Variants in PTPN2 observed in about 807,000 individuals in gnomAD.
The protein encoded by PTPN2 is protein tyrosine phosphatase non-receptor type 2.
A neutral mutation model predicts 57.3 loss-of-function variants in PTPN2; 19 were observed. The ratio of observed to expected loss-of-function variants is 0.33; its 90% CI spans 0.23 to 0.49. The LOEUF is 0.49. Among genes scored for constraint, PTPN2 ranks in the 20% least tolerant of loss-of-function variants. The pLI, the probability that PTPN2 is intolerant of heterozygous loss-of-function variation, is 0.99. For missense variants in PTPN2, 358 were observed against 501.1 expected (o/e 0.71, Z 2.73); for synonymous variants, 153 against 164.9 (o/e 0.93, Z 0.55).
intron 1 of PTPN2, among the ~76,000 whole-genome samples, chr18:12,876,296 A>AAAGAAGAAGAAGAAGAAGAAGAAC (rs71174150): frequency 6.9e-6 from 1 of 145,074 alleles, no homozygotes; most frequent in Non-Finnish European, 1.5e-5. Flanking sequence ...ACAACAACAA[A>AAAGAAGAAGAAGAAGAAGAAGAAC]AAGAAGAAGA....
intron 7 of PTPN2, among the ~76,000 whole-genome samples, chr18:12,807,581 A>AT (rs1568092867): frequency 2.2e-4 from 16 of 74,376 alleles, no homozygotes; most frequent in African/African-American, 4.0e-4. Context: ...AAAAAAAAAA[A>AT]AAAAAATATA....
chr18:12,877,033 A>ATGAC (rs1337118984), intron 1 of PTPN2, among the ~76,000 whole-genome samples: 3 of 152,256 alleles, frequency 2.0e-5, no homozygotes, highest in Admixed American at 6.5e-5. Context: ...AGTCCCAGTT[A>ATGAC]TGACACTAGC....
At chr18:12,788,981 A>T, downstream of PTPN2, among the ~76,000 whole-genome samples, 1 of 152,214 alleles carries the variant, frequency 6.6e-6, no homozygotes, top group East Asian at 1.9e-4. Context: ...TTAAATTCTC[A>T]AATCTGGATG....
chr18:12,799,505 T>A (rs1377323149), intron 8 of PTPN2, among the ~76,000 whole-genome samples: 2 of 152,134 alleles, frequency 1.3e-5, no homozygotes, highest in Non-Finnish European at 2.9e-5. Flanking sequence ...CTATAGGTAT[T>A]AAAAATTACT....
chr18:12,858,436 T>C (rs1273052226), intron 2 of PTPN2, among the ~76,000 whole-genome samples: 1 of 152,228 alleles, frequency 6.6e-6, no homozygotes, highest in Non-Finnish European at 1.5e-5. Context: ...AGTATTATAA[T>C]TGTTCACACA....
chr18:12,873,223 GAA>G (rs1304947911), intron 1 of PTPN2, among the ~76,000 whole-genome samples: 4 of 126,678 alleles, frequency 3.2e-5, no homozygotes, highest in African/African-American at 2.9e-5. Flanking sequence ...TCCGTCTCAA[GAA>G]AAAAAAAAAA....
At chr18:12,802,891 A>C (rs2041485187) in intron 7 of PTPN2, among the ~76,000 whole-genome samples, 1 of 152,254 alleles carries the variant, frequency 6.6e-6, no homozygotes, top group African/African-American at 2.4e-5. Context: ...CAAAAGTATA[A>C]TTACTATCAT....
chr18:12,874,269 G>A (rs968641268), intron 1 of PTPN2, among the ~76,000 whole-genome samples: 3 of 143,712 alleles, frequency 2.1e-5, no homozygotes, highest in Admixed American at 6.8e-5. Context: ...TCAGCCCCCC[G>A]CCCGGCCAGC....
intron 7 of PTPN2, among the ~76,000 whole-genome samples, chr18:12,806,970 A>T (rs1288818562): frequency 6.6e-6 from 1 of 152,226 alleles, no homozygotes; most frequent in African/African-American, 2.4e-5. Flanking sequence ...TGTATAGCAA[A>T]GGAAGCAATC....
intron 6 of PTPN2, among the ~76,000 whole-genome samples, chr18:12,815,654 G>T (rs1259581858): frequency 1.3e-5 from 2 of 152,254 alleles, no homozygotes; most frequent in East Asian, 3.9e-4. Flanking sequence ...TTAAAACTTT[G>T]ATGTAACAAT....
chr18:12,806,802 A>G (rs2041668297), intron 7 of PTPN2, among the ~76,000 whole-genome samples: 1 of 152,160 alleles, frequency 6.6e-6, no homozygotes, highest in Admixed American at 6.6e-5. Flanking sequence ...CTCAAAATGG[A>G]CTAAAGACTT....
chr18:12,880,878 A>G (rs1398650343), intron 1 of PTPN2, among the ~76,000 whole-genome samples: 4 of 152,196 alleles, frequency 2.6e-5, no homozygotes, highest in African/African-American at 9.6e-5. Context: ...CCCGAACTCC[A>G]AATTTATACA....
At chr18:12,870,509 T>TG (rs1491400025) in intron 1 of PTPN2, among the ~76,000 whole-genome samples, 1 of 68,032 alleles carries the variant, frequency 1.5e-5, no homozygotes, top group Admixed American at 1.5e-4. Flanking sequence ...AAAAGCGTGT[T>TG]GTTTTTTTTT....
At chr18:12,791,789 T>G (rs1219347114), downstream of PTPN2, among the ~76,000 whole-genome samples, 2 of 152,004 alleles carry the variant, frequency 1.3e-5, no homozygotes, top group African/African-American at 4.8e-5. Flanking sequence ...ACAGAAAGCA[T>G]ACAGAAAGCA....
intron 2 of PTPN2, among the ~76,000 whole-genome samples, chr18:12,851,485 C>CA (rs1218202992): frequency 0.33 from 3,267 of 9,852 alleles, 1,066 homozygotes; most frequent in East Asian, 0.41. Context: ...GACTCCGTCT[C>CA]AAAAAAAAAA....
At chr18:12,880,038 T>C (rs1286459164) in intron 1 of PTPN2, among the ~76,000 whole-genome samples, 2 of 152,142 alleles carry the variant, frequency 1.3e-5, no homozygotes, top group Non-Finnish European at 2.9e-5. Context: ...ATTCCCGCTA[T>C]GAAAGGGGAA....
chr18:12,824,112 C>T (rs2042364912), intron 5 of PTPN2, among the ~76,000 whole-genome samples: 1 of 152,194 alleles, frequency 6.6e-6, no homozygotes, highest in African/African-American at 2.4e-5. Flanking sequence ...CAATGTACAG[C>T]TCAGTCCAGT....
chr18:12,872,062 AAAAAC>A (rs2044286583), intron 1 of PTPN2, among the ~76,000 whole-genome samples: 2 of 151,846 alleles, frequency 1.3e-5, no homozygotes, highest in African/African-American at 4.8e-5. Flanking sequence ...AAAAAAACAA[AAAAAC>A]AAAAAAACAA....
intron 3 of PTPN2, among the ~76,000 whole-genome samples, chr18:12,833,925 T>G (rs913800502): frequency 2.6e-5 from 4 of 152,074 alleles, no homozygotes; most frequent in South Asian, 2.1e-4. Flanking sequence ...CTGAAAAACA[T>G]AGAGAGGAAT....
Sources: gnomAD v4.1 joint callset for allele counts (sites outside exome capture counted in the v4.1 genomes callset) on GRCh38, gnomAD v4.1.1 for gene constraint, MANE v1.5 for transcripts, NCBI Gene and HGNC (gene_info 2026-07-23, HGNC 2026-07-21) for gene names.